GOLM1: variants seen among roughly 807,000 people sequenced by gnomAD.
The protein encoded by GOLM1 is epididymis luminal protein 46.
In GOLM1, 31 loss-of-function variants were observed where a neutral mutation model predicts 50.5. The ratio of observed to expected loss-of-function variants is 0.61; its 90% CI spans 0.46 to 0.83. GOLM1 has a LOEUF of 0.83. Among genes scored for constraint, GOLM1 ranks in the 40% least tolerant of loss-of-function variants. The pLI is 0.00. For missense variants in GOLM1, 491 were observed against 501.3 expected (o/e 0.98, Z 0.20); for synonymous variants, 178 against 192.8 (o/e 0.92, Z 0.64).
intron 8 of GOLM1, among the ~76,000 whole-genome samples, chr9:86,034,638 C>T (rs779685984): frequency 2.6e-5 from 4 of 152,192 alleles, no homozygotes; most frequent in Admixed American, 2.6e-4. Context: ...CTTGGAAGGA[C>T]ACGTTCTTCA....
At position 86,032,892 on chromosome 9, in the gene GOLM1, C is replaced by T. The variant is rs374278847; in HGVS notation, c.1129+390G>A. Among the ~76,000 whole-genome samples the T allele has an allele frequency of 1.2e-3, 186 of 152,302 alleles. 4 individuals carry two copies. The South Asian group carries it at 0.032, about 26-fold the overall frequency. ...TCTTCAAAAATTCAAAATAATAATACAAAGGGCAGCTTTCATAGCTGCTTG... is the reference window on the plus strand; with the variant it reads ...TCTTCAAAAATTCAAAATAATAATATAAAGGGCAGCTTTCATAGCTGCTTG... On this transcript the variant is annotated intron_variant, in intron 9 of 9. Transcript: ENST00000388712.
intron 1 of GOLM1, among the ~76,000 whole-genome samples, chr9:86,080,925 G>A (rs372398901): frequency 4.6e-5 from 7 of 151,828 alleles, no homozygotes; most frequent in South Asian, 2.1e-4. Flanking sequence ...GGTCTCTGTC[G>A]CCCAGGGTGG....
At chr9:86,082,368 T>C (rs1290102904) in intron 1 of GOLM1, among the ~76,000 whole-genome samples, 8 of 127,986 alleles carry the variant, frequency 6.3e-5, no homozygotes, top group Non-Finnish European at 1.3e-4. Flanking sequence ...CACCACTGCA[T>C]TTCTTTTCTT....
At chr9:86,061,490 G>A (rs1177957459) in intron 3 of GOLM1, among the ~76,000 whole-genome samples, 1 of 152,098 alleles carries the variant, frequency 6.6e-6, no homozygotes, top group Non-Finnish European at 1.5e-5. Flanking sequence ...GATAAAGGGA[G>A]GAAAAAGAAA....
chr9:86,053,267 C>T (rs1376776936), intron 3 of GOLM1, among the ~76,000 whole-genome samples: 1 of 142,718 alleles, frequency 7.0e-6, no homozygotes, highest in Non-Finnish European at 1.5e-5. Context: ...ACCACAACGC[C>T]AGACCACACC....
At chr9:86,090,636 G>C (rs1835147307) in intron 1 of GOLM1, among the ~76,000 whole-genome samples, 2 of 152,032 alleles carry the variant, frequency 1.3e-5, no homozygotes, top group South Asian at 4.2e-4. Flanking sequence ...TGTGCTGGCA[G>C]CAAGAATTTC....
chr9:86,065,025 C>G (rs1181147267), intron 3 of GOLM1, among the ~76,000 whole-genome samples: 2 of 152,128 alleles, frequency 1.3e-5, no homozygotes, highest in Non-Finnish European at 2.9e-5. Flanking sequence ...GTGGGGTGCC[C>G]CTGACTCTGG....
chr9:86,089,082 A>T (rs1228488563), intron 1 of GOLM1, among the ~76,000 whole-genome samples: 1 of 152,174 alleles, frequency 6.6e-6, no homozygotes, highest in Non-Finnish European at 1.5e-5. Flanking sequence ...GTTGAATATT[A>T]GCCCCCATTC....
At position 86,033,407 on chromosome 9, in the gene GOLM1, G is replaced by C. The variant is rs766407434; in HGVS notation, c.1016-12C>G. 58 of 1,485,804 alleles carry C rather than the reference G, an allele frequency of 3.9e-5. No homozygotes were observed. The highest frequency in any genetic ancestry group is 5.3e-5 in the Non-Finnish European group (56 of 1,062,944). The allele number at this position is 1,485,804 out of a possible 1,614,324, so 92.0% of individuals were successfully genotyped here. A position where few individuals can be genotyped will look rare whatever the true frequency, so the allele number is the denominator to read the frequency against. ...CTGCTGGTTTCTCCCTGTAAAATTA[G>C]CACATAAAACATAAGCTACATCATT... is the stretch of plus-strand genomic sequence containing the variant. On this transcript the variant is annotated splice_polypyrimidine_tract_variant and intron_variant, in intron 8 of 9. Coordinates refer to ENST00000388712, the MANE Select transcript of GOLM1 (RefSeq NM_016548.4).
chr9:86,090,786 C>CAA (rs776381865), intron 1 of GOLM1, among the ~76,000 whole-genome samples: 22 of 41,294 alleles, frequency 5.3e-4, no homozygotes, highest in African/African-American at 1.1e-3. Context: ...ACTGGGGTAC[C>CAA]AAAAAAAAAA....
intron 3 of GOLM1, among the ~76,000 whole-genome samples, chr9:86,074,219 C>A: frequency 7.4e-6 from 1 of 135,798 alleles, no homozygotes; most frequent in South Asian, 2.3e-4. Flanking sequence ...ACCACAAATG[C>A]TAACCTTCTA....
intron 4 of GOLM1, among the ~76,000 whole-genome samples, chr9:86,047,087 A>T (rs1331739106): frequency 6.6e-6 from 1 of 152,174 alleles, no homozygotes; most frequent in East Asian, 1.9e-4. Context: ...TTCACAGCCA[A>T]GCCACTCTCC....
intron 6 of GOLM1, among the ~76,000 whole-genome samples, chr9:86,039,733 C>G (rs1269890402): frequency 6.6e-6 from 1 of 152,006 alleles, no homozygotes; most frequent in South Asian, 2.1e-4. Context: ...TTTGGGAGGC[C>G]GAGGTGGGTG....
intron 3 of GOLM1, among the ~76,000 whole-genome samples, chr9:86,055,695 A>G (rs1833964346): frequency 6.6e-6 from 1 of 152,362 alleles, no homozygotes; most frequent in East Asian, 1.9e-4. Flanking sequence ...CAGTCACAGA[A>G]GGACAAATGC....
Position 86,027,040 on chromosome 9 carries a change from C to G in GOLM1, c.*777G>C, listed in dbSNP as rs1832808005. On this transcript the variant is annotated 3_prime_UTR_variant, in exon 10 of 10. Coordinates refer to ENST00000388712, the MANE Select transcript of GOLM1 (RefSeq NM_016548.4). ...CCCCCTTTTGGCCTGTTTGTTTTGTCAAAAACCTAATCTGCTTCTTGCTTT... is the reference window on the plus strand; with the variant it reads ...CCCCCTTTTGGCCTGTTTGTTTTGTGAAAAACCTAATCTGCTTCTTGCTTT... 1.0e-6 allele frequency: 1 copy of G among 985,220 alleles called. No individual in the cohort carries two copies. The highest frequency in any genetic ancestry group is 1.7e-5 in the African/African-American group (1 of 57,216). 61.0% of individuals were successfully genotyped at this position (985,220 alleles called of 1,614,324 possible). A position where few individuals can be genotyped will look rare whatever the true frequency, so the allele number is the denominator to read the frequency against.
intron 3 of GOLM1, among the ~76,000 whole-genome samples, chr9:86,064,072 T>C (rs569906077): frequency 6.6e-6 from 1 of 152,290 alleles, no homozygotes; most frequent in South Asian, 2.1e-4. Flanking sequence ...CTCAGGCCCC[T>C]CCCTGGAGGT....
chr9:86,053,344 A>G (rs1833839248), intron 3 of GOLM1, among the ~76,000 whole-genome samples: 1 of 101,730 alleles, frequency 9.8e-6, no homozygotes, highest in Non-Finnish European at 1.9e-5. Context: ...ACACCACGCC[A>G]CAACTCCACA....
chr9:86,030,871 T>C (rs909089654), intron 9 of GOLM1, among the ~76,000 whole-genome samples: 1 of 152,138 alleles, frequency 6.6e-6, no homozygotes, highest in Non-Finnish European at 1.5e-5. Flanking sequence ...GTAAAAAAAA[T>C]GTAAGTATTA....
At chr9:86,053,472 C>T (rs1271984711) in intron 3 of GOLM1, among the ~76,000 whole-genome samples, 2 of 83,138 alleles carry the variant, frequency 2.4e-5, no homozygotes, top group African/African-American at 9.4e-5. Flanking sequence ...CACCACACCA[C>T]TCCATACCAC....
Sources: gnomAD v4.1 joint callset for allele counts (sites outside exome capture counted in the v4.1 genomes callset) on GRCh38, gnomAD v4.1.1 for gene constraint, MANE v1.5 for transcripts, NCBI Gene and HGNC (gene_info 2026-07-23, HGNC 2026-07-21) for gene names.